Variants in AFAP1 observed in about 807,000 individuals in gnomAD.
The protein encoded by AFAP1 is actin filament-associated protein 1.
In AFAP1, 75 loss-of-function variants were observed where a neutral mutation model predicts 93.9. The observed-to-expected ratio is 0.80, with a 90% CI of 0.66 to 0.97. The LOEUF (loss-of-function observed/expected upper bound fraction) is 0.97. Ranked by LOEUF, AFAP1 falls within the 50% of genes least tolerant of loss-of-function variation. The pLI is 0.00. For missense variants in AFAP1, 1,201 were observed against 1,050.8 expected (o/e 1.14, Z -1.98); for synonymous variants, 517 against 430.7 (o/e 1.20, Z -2.48).
intron 1 of AFAP1, among the ~76,000 whole-genome samples, chr4:7,883,208 G>T (rs1027117161): frequency 8.5e-6 from 1 of 118,134 alleles, no homozygotes; most frequent in African/African-American, 3.2e-5. Flanking sequence ...AAAAAAAAAA[G>T]AGGAGGAGGA....
At chr4:7,820,290 A>G (rs1421900830) in intron 6 of AFAP1, among the ~76,000 whole-genome samples, 1 of 152,170 alleles carries the variant, frequency 6.6e-6, no homozygotes, top group East Asian at 1.9e-4. Flanking sequence ...GGACAGAGAA[A>G]TGGGCTGGGT....
At chr4:7,796,626 C>G (rs1007608806) in intron 10 of AFAP1, among the ~76,000 whole-genome samples, 1 of 151,722 alleles carries the variant, frequency 6.6e-6, no homozygotes, top group Non-Finnish European at 1.5e-5. Context: ...TGGCGGGCAC[C>G]TGTAATCCCA....
chr4:7,855,488 T>C lies in AFAP1; in HGVS notation c.312A>G (p.Lys104=), dbSNP rs1207877670. The part of the protein sequence containing the change: ...YEEAVPLSPG[K]APEYITSNYD... ...CACTTGATGTGATGTATTCCGGAGC[T>C]TTTCCGGGGCTCAGCGGCACAGCTT... Residue 104 remains lysine (K), a synonymous_variant, in exon 4 of 18, where the codon AAA becomes AAG. Coordinates refer to ENST00000420658, the MANE Select transcript of AFAP1 (RefSeq NM_001134647.2). 1.9e-6 allele frequency: 3 copies of C among 1,612,228 alleles called. No homozygotes were observed. Among genetic ancestry groups the C allele is most frequent in the Admixed American group, 1.7e-5 (1 of 59,814 alleles).
chr4:7,859,817 G>A (rs528406083), intron 3 of AFAP1, among the ~76,000 whole-genome samples: 64 of 152,078 alleles, frequency 4.2e-4, no homozygotes, highest in Non-Finnish European at 7.5e-4. Flanking sequence ...AAGCCCATTG[G>A]TATCTGTCTT....
chr4:7,813,394 C>T (rs890360457), intron 8 of AFAP1, among the ~76,000 whole-genome samples: 10 of 152,318 alleles, frequency 6.6e-5, no homozygotes, highest in Non-Finnish European at 1.0e-4. Context: ...AGGTCACCAC[C>T]GTTTAATTCC....
In AFAP1 at chr4:7,768,447, G is replaced by A. The variant is rs1341849211; in HGVS notation, c.2418+397C>T. Among the ~76,000 whole-genome samples, 7 of 152,150 alleles carry A rather than the reference G, an allele frequency of 4.6e-5. No individual in the cohort carries two copies. In the East Asian group the frequency reaches 5.8e-4, roughly 13 times the overall value. On this transcript the variant is annotated intron_variant, in intron 17 of 17. Transcript: ENST00000420658. ...AGGGGCTGGGGGAAAGCTTATTCCT[G>A]GACCCTTTCCTTTGTTTTTCTAAAG... is the stretch of plus-strand genomic sequence containing the variant.
At chr4:7,777,085 C>G (rs925084146) in intron 14 of AFAP1, 3 of 152,178 alleles carry the variant, frequency 2.0e-5, no homozygotes, top group African/African-American at 4.8e-5. Context: ...CAGGTACTGA[C>G]AGAGAAACAC....
intron 4 of AFAP1, among the ~76,000 whole-genome samples, chr4:7,850,715 G>A (rs1714334433): frequency 6.6e-6 from 1 of 152,220 alleles, no homozygotes; most frequent in Admixed American, 6.5e-5. Context: ...GGGCAGCCAT[G>A]GGCTCAGGTC....
At chr4:7,871,801 C>A (rs1364054273) in intron 2 of AFAP1, 151 bp downstream of exon 2, 1 of 1,119,384 alleles carries the variant, frequency 8.9e-7, no homozygotes, top group Non-Finnish European at 1.2e-6. Context: ...GAACTTGGCA[C>A]AAGTGTAAAC....
chr4:7,857,730 T>A (rs1429235716), intron 3 of AFAP1, among the ~76,000 whole-genome samples: 4 of 152,230 alleles, frequency 2.6e-5, no homozygotes, highest in African/African-American at 9.6e-5. Context: ...GTATTCCAAA[T>A]TCCTTTTAGC....
chr4:7,828,263 G>T (rs1448953921), intron 6 of AFAP1, among the ~76,000 whole-genome samples: 1 of 152,168 alleles, frequency 6.6e-6, no homozygotes, highest in Non-Finnish European at 1.5e-5. Context: ...ACGCCCCCCG[G>T]CTGGCTATGT....
intron 1 of AFAP1, among the ~76,000 whole-genome samples, chr4:7,915,053 T>C (rs1440086711): frequency 3.3e-5 from 5 of 152,102 alleles, no homozygotes; most frequent in African/African-American, 1.2e-4. Context: ...CCAGCTAATT[T>C]TTGTATTTTT....
At chr4:7,890,358 G>A (rs753815490) in intron 1 of AFAP1, among the ~76,000 whole-genome samples, 40 of 152,038 alleles carry the variant, frequency 2.6e-4, no homozygotes, top group Admixed American at 4.6e-4. Flanking sequence ...TCCTTACGTC[G>A]TACCAAATAC....
At chr4:7,789,150 C>A (rs541170687) in intron 11 of AFAP1, 1 of 152,394 alleles carries the variant, frequency 6.6e-6, no homozygotes, top group South Asian at 2.1e-4. Flanking sequence ...CTGCCCAGTC[C>A]CCAAGAGGGC....
chr4:7,845,851 T>C (rs373138240), intron 4 of AFAP1, among the ~76,000 whole-genome samples: 3 of 150,824 alleles, frequency 2.0e-5, no homozygotes, highest in African/African-American at 7.3e-5. Context: ...ACACTCCCCC[T>C]GCTGCCAAAG....
intron 6 of AFAP1, among the ~76,000 whole-genome samples, chr4:7,832,762 G>C (rs982667647): frequency 4.6e-5 from 7 of 150,998 alleles, no homozygotes; most frequent in African/African-American, 1.7e-4. Context: ...TCAAACTACA[G>C]TATAAGGCCA....
At chr4:7,894,832 C>T (rs907096757) in intron 1 of AFAP1, among the ~76,000 whole-genome samples, 1 of 152,150 alleles carries the variant, frequency 6.6e-6, no homozygotes, top group African/African-American at 2.4e-5. Flanking sequence ...GGGCTCCTGA[C>T]AGGAGGCCTA....
chr4:7,907,428 G>A (rs997439311), intron 1 of AFAP1, among the ~76,000 whole-genome samples: 4 of 152,176 alleles, frequency 2.6e-5, no homozygotes, highest in Non-Finnish European at 1.5e-5. Context: ...AACTAACAGA[G>A]GCCTTAAACA....
chr4:7,792,648 G>A (rs149039080), intron 11 of AFAP1, among the ~76,000 whole-genome samples: 44 of 152,206 alleles, frequency 2.9e-4, no homozygotes, highest in African/African-American at 1.1e-3. Context: ...TCACTTGTCT[G>A]AGCTGTTCCT....
Sources: allele counts gnomAD v4.1 joint callset (sites outside exome capture counted in the v4.1 genomes callset), GRCh38; gene constraint gnomAD v4.1.1; transcripts MANE v1.5; gene names NCBI Gene and HGNC (gene_info 2026-07-23, HGNC 2026-07-21).